The following PHF24 variants were observed in gnomAD, a reference collection of about 807,000 sequenced individuals.
PHF24 encodes PHD finger protein 24.
In PHF24, 25 loss-of-function variants were observed where a neutral mutation model predicts 42.6. That is an observed-to-expected ratio of 0.59 (90% CI 0.43 to 0.82). PHF24 has a LOEUF of 0.82. PHF24 is among the 40% of genes least tolerant of loss of function. PHF24 has a pLI of 0.00. For synonymous variants in PHF24, 185 were observed against 204.8 expected, an observed-to-expected ratio of 0.90 and a Z score of 0.83; for missense variants, 470 against 538.1, an observed-to-expected ratio of 0.87 and a Z score of 1.25.
At chr9:34,737,376 T>C in the PHF24 span, among the ~76,000 whole-genome samples, 1 of 152,226 alleles carries the variant, frequency 6.6e-6, no homozygotes. Context: ...ATTACTACTT[T>C]ATTTCTTTTT....
At chr9:34,900,999 A>G in the PHF24 span, among the ~76,000 whole-genome samples, 2 of 152,244 alleles carry the variant, frequency 1.3e-5, no homozygotes, top group Non-Finnish European at 2.9e-5. Context: ...AATTATTTGA[A>G]AGACACAAAC....
At chr9:34,711,178 A>G in the PHF24 span, among the ~76,000 whole-genome samples, 4 of 152,124 alleles carry the variant, frequency 2.6e-5, no homozygotes, top group African/African-American at 9.7e-5. Flanking sequence ...ATTATTGTTT[A>G]ATGCATTTTC....
chr9:34,866,575 A>G, the PHF24 span, among the ~76,000 whole-genome samples: 285 of 152,308 alleles, frequency 1.9e-3, no homozygotes, highest in Admixed American at 2.9e-3. Context: ...AATGCATAGC[A>G]TTGACCCTGA....
At chr9:34,699,632 T>G in the PHF24 span, among the ~76,000 whole-genome samples, 1 of 152,234 alleles carries the variant, frequency 6.6e-6, no homozygotes, top group African/African-American at 2.4e-5. Context: ...CAATACCATC[T>G]GCCTGGAGTG....
the PHF24 span, among the ~76,000 whole-genome samples, chr9:34,702,013 T>C: frequency 6.6e-6 from 1 of 152,058 alleles, no homozygotes; most frequent in Non-Finnish European, 1.5e-5. Context: ...CACCACTCAT[T>C]ACGGGGCCAA....
chr9:34,747,008 A>G, the PHF24 span, among the ~76,000 whole-genome samples: 8 of 152,264 alleles, frequency 5.3e-5, no homozygotes, highest in Non-Finnish European at 1.2e-4. Flanking sequence ...TAAAATCAAG[A>G]TCTTTTATTT....
chr9:34,728,100 A>G, the PHF24 span: 37 of 1,550,968 alleles, frequency 2.4e-5, no homozygotes, highest in South Asian at 3.7e-4. Context: ...ACGGGGAGAC[A>G]GTGTTATATG....
At chr9:34,803,348 G>A in the PHF24 span, among the ~76,000 whole-genome samples, 1 of 151,434 alleles carries the variant, frequency 6.6e-6, no homozygotes, top group Non-Finnish European at 1.5e-5. Context: ...TCAAGTCAAT[G>A]TCTAACTTCT....
At chr9:34,813,796 A>G in the PHF24 span, among the ~76,000 whole-genome samples, 4 of 152,328 alleles carry the variant, frequency 2.6e-5, no homozygotes, top group African/African-American at 9.6e-5. Flanking sequence ...GAATCAAGTC[A>G]CATATCCACC....
At chr9:34,908,629 A>G in the PHF24 span, among the ~76,000 whole-genome samples, 1 of 152,080 alleles carries the variant, frequency 6.6e-6, no homozygotes, top group Non-Finnish European at 1.5e-5. Flanking sequence ...GGGAAAAGGG[A>G]ACAGGAAACA....
the PHF24 span, chr9:34,728,028 A>G: frequency 1.3e-6 from 2 of 1,551,982 alleles, no homozygotes; most frequent in South Asian, 1.2e-5. Flanking sequence ...TCACCTTTTA[A>G]TGATGGAGAG....
the PHF24 span, among the ~76,000 whole-genome samples, chr9:34,705,451 C>CT: frequency 6.6e-6 from 1 of 152,182 alleles, no homozygotes; most frequent in Admixed American, 6.5e-5. Context: ...ACACCAGCTA[C>CT]TTTTTTTTAT....
chr9:34,755,630 T>A, the PHF24 span, among the ~76,000 whole-genome samples: 3 of 151,656 alleles, frequency 2.0e-5, no homozygotes, highest in Non-Finnish European at 4.4e-5. Context: ...TAATTTTAAT[T>A]ATGATTATTA....
At chr9:34,809,627 G>A in the PHF24 span, among the ~76,000 whole-genome samples, 2 of 152,354 alleles carry the variant, frequency 1.3e-5, no homozygotes, top group South Asian at 4.1e-4. This position sits in a 1 kb window ranked among gnomAD's most constrained non-coding sequence, Gnocchi z 4.1. Flanking sequence ...GAGGCCTAGG[G>A]TGGGCAGCTT....
chr9:34,947,342 C>G, the PHF24 span, among the ~76,000 whole-genome samples: 77 of 152,276 alleles, frequency 5.1e-4, 2 homozygotes, highest in South Asian at 9.1e-3. Flanking sequence ...ACACTATAGC[C>G]ACTGTAAGTC....
At chr9:34,819,342 C>CTAGTTTAT in the PHF24 span, among the ~76,000 whole-genome samples, 7 of 151,754 alleles carry the variant, frequency 4.6e-5, no homozygotes, top group Non-Finnish European at 1.0e-4. Flanking sequence ...TTTGCTTTTC[C>CTAGTTTAT]TAGTTTATTA....
the PHF24 span, among the ~76,000 whole-genome samples, chr9:34,928,249 G>A: frequency 2.0e-5 from 3 of 150,054 alleles, no homozygotes; most frequent in African/African-American, 7.4e-5. Flanking sequence ...ACTCTTTGAC[G>A]GCACAACAGG....
chr9:34,827,220 C>G, the PHF24 span, among the ~76,000 whole-genome samples: 1 of 152,150 alleles, frequency 6.6e-6, no homozygotes, highest in Non-Finnish European at 1.5e-5. Flanking sequence ...GAGTCAATTC[C>G]CTTCATTCTG....
chr9:34,677,727 C>T, the PHF24 span, among the ~76,000 whole-genome samples: 1 of 152,064 alleles, frequency 6.6e-6, no homozygotes, highest in South Asian at 2.1e-4. Flanking sequence ...CATGTTACTC[C>T]TCAGATTAAA....
Sources: allele counts gnomAD v4.1 joint callset (sites outside exome capture counted in the v4.1 genomes callset), GRCh38; gene constraint gnomAD v4.1.1; non-coding constraint Gnocchi (gnomAD v3.1); transcripts MANE v1.5; gene names NCBI Gene and HGNC (gene_info 2026-07-23, HGNC 2026-07-21).